The following CYFIP1 variants were observed in gnomAD, a reference collection of about 807,000 sequenced individuals.
CYFIP1 encodes cytoplasmic FMR1 interacting protein 1.
Under a neutral mutation model 163.5 loss-of-function variants are expected in CYFIP1, and 58 were observed. That is an observed-to-expected ratio of 0.35 (90% confidence interval 0.29 to 0.44). CYFIP1 has a LOEUF of 0.44. Ranked by LOEUF, CYFIP1 falls within the 20% of genes least tolerant of loss-of-function variation. CYFIP1 has a pLI of 1.00. For missense variants in CYFIP1, 1,338 were observed against 1,653.8 expected (o/e 0.81, Z 3.31); for synonymous variants, 663 against 660.7 (o/e 1.00, Z -0.05).
At chr15:22,942,673 G>A (rs1286369152) in intron 6 of CYFIP1, among the ~76,000 whole-genome samples, 2 of 152,322 alleles carry the variant, frequency 1.3e-5, no homozygotes, top group East Asian at 3.9e-4. Flanking sequence ...TGGAAGCGCA[G>A]TGTGACCACG....
chr15:22,874,646 TG>T lies in CYFIP1; in HGVS notation c.3116-3del. The T allele has an allele frequency of 6.3e-7, 1 of 1,579,886 alleles. No individual in the cohort carries two copies. The highest frequency in any genetic ancestry group is 8.6e-7 in the Non-Finnish European group (1 of 1,166,868). Reference sequence around the variant, plus strand: ...TTTTGGCATCAAGTCTCTCCCCCTCTGCAGTAGAAAAAATATTTTACTATAT... The same window carrying T: ...TTTTGGCATCAAGTCTCTCCCCCTCTCAGTAGAAAAAATATTTTACTATAT... On this transcript the variant is annotated splice_region_variant and splice_polypyrimidine_tract_variant and intron_variant, in intron 27 of 30. Coordinates refer to ENST00000617928, the MANE Select transcript of CYFIP1 (RefSeq NM_014608.6).
chr15:22,881,031 G>A (rs1166075951), intron 25 of CYFIP1, among the ~76,000 whole-genome samples: 1 of 152,148 alleles, frequency 6.6e-6, no homozygotes, highest in East Asian at 1.9e-4. Context: ...ATTCTCTTGA[G>A]CCAGGGCCGT....
At chr15:22,942,467 G>A (rs186470205) in intron 6 of CYFIP1, among the ~76,000 whole-genome samples, 14 of 152,146 alleles carry the variant, frequency 9.2e-5, no homozygotes, top group Admixed American at 2.6e-4. Context: ...TCGGCAGCGT[G>A]CCAAGTGTCA....
At chr15:22,882,717 G>A (rs1399937018) in intron 24 of CYFIP1, 151 bp downstream of exon 24, 3 of 814,082 alleles carry the variant, frequency 3.7e-6, no homozygotes, top group South Asian at 3.6e-5. Context: ...GATGAGGGAA[G>A]TATCAAACTA....
intron 29 of CYFIP1, 62 bp from the exon 30 acceptor site, chr15:22,873,034 G>C (rs1038919042): frequency 6.3e-7 from 1 of 1,577,472 alleles, no homozygotes; most frequent in African/African-American, 1.3e-5. Context: ...TCTTTTCTCA[G>C]TCTGTCTCCA....
chr15:22,944,190 G>C (rs2061980025), intron 5 of CYFIP1, among the ~76,000 whole-genome samples: 1 of 137,156 alleles, frequency 7.3e-6, no homozygotes. Flanking sequence ...AGTGAGCCGA[G>C]ATCATGCCAT....
Position 22,903,760 on chromosome 15 carries a change from CAGA to C in CYFIP1, c.2531_2533del (p.Phe844del), listed in dbSNP as rs1223789476. On this transcript the variant is annotated inframe_deletion, in exon 22 of 31. Transcript: ENST00000617928. The stretch of plus-strand genomic sequence containing the variant: ...GGGCAGGAAGTCATAGTTGAGCTCC[CAGA>C]AGACGTGCAGGGTGATCCTCCCGTA... 2 of 1,614,054 alleles carry C rather than the reference CAGA, an allele frequency of 1.2e-6. No homozygotes were observed. The highest frequency in any genetic ancestry group is 1.7e-6 in the Non-Finnish European group (2 of 1,180,052).
chr15:22,915,193 C>T (rs190756413), intron 16 of CYFIP1: 18 of 229,654 alleles, frequency 7.8e-5, no homozygotes, highest in Admixed American at 2.3e-4. Flanking sequence ...GTGAGTGGCG[C>T]GATCATAGCT....
chr15:22,953,771 C>A (rs2062341361), intron 1 of CYFIP1, among the ~76,000 whole-genome samples: 1 of 152,180 alleles, frequency 6.6e-6, no homozygotes, highest in Non-Finnish European at 1.5e-5. Context: ...ACAATAGGAT[C>A]AGGGCCTGGT....
intron 23 of CYFIP1, among the ~76,000 whole-genome samples, chr15:22,890,951 G>C (rs1178129295): frequency 6.6e-6 from 1 of 152,158 alleles, no homozygotes; most frequent in East Asian, 1.9e-4. Flanking sequence ...TGTCAGCGAG[G>C]CTCCCAGCCC....
At chr15:22,954,431 T>C (rs1214242430) in intron 1 of CYFIP1, among the ~76,000 whole-genome samples, 1 of 152,196 alleles carries the variant, frequency 6.6e-6, no homozygotes, top group Non-Finnish European at 1.5e-5. Context: ...CCACACGAGC[T>C]GGTATTTTGC....
chr15:22,910,780 G>A lies in CYFIP1; in HGVS notation c.2116C>T (p.Leu706=). ...NLCFDQFVYK[L]ADQIFAYYKV... is the part of the protein sequence containing the mutation. ...TAATAGGCAAATATCTGGTCTGCTA[G>A]CTTGTAAACAAATTGGTCAAAACAT... The change falls in exon 19 of 31, where the codon CTA becomes TTA. Residue 706 remains leucine (L), a synonymous_variant. Transcript: ENST00000617928. 6.2e-7 allele frequency: 1 copy of A among 1,614,008 alleles called. No individual in the cohort carries two copies. Among genetic ancestry groups the A allele is most frequent in the Middle Eastern group, 1.7e-4 (1 of 6,058 alleles).
chr15:22,920,265 A>G (rs899933395), intron 13 of CYFIP1, among the ~76,000 whole-genome samples: 3 of 147,678 alleles, frequency 2.0e-5, no homozygotes, highest in African/African-American at 7.6e-5. Flanking sequence ...CCCAGGGTCA[A>G]TCGATCCTCC....
rs2059288250 is a variant in CYFIP1 at position 22,868,303 on chromosome 15, AAAG to A, written c.*1722_*1724del. 6.6e-6 allele frequency: 1 copy of A among 152,186 alleles called. No individual in the cohort carries two copies. The highest frequency in any genetic ancestry group is 2.4e-5 in the African/African-American group (1 of 41,430). 9.4% of individuals were successfully genotyped at this position (152,186 alleles called of 1,614,324 possible). On this transcript the variant is annotated 3_prime_UTR_variant, in exon 31 of 31. Transcript: ENST00000617928. The stretch of plus-strand genomic sequence containing the variant: ...TACCTACATCTGTGCTTTGTACATA[AAAG>A]AACCAGTTTTCTCCCCCTTGAGGAC...
chr15:22,906,158 G>A (rs1271346849), intron 21 of CYFIP1, among the ~76,000 whole-genome samples: 1 of 151,170 alleles, frequency 6.6e-6, no homozygotes, highest in Non-Finnish European at 1.5e-5. Flanking sequence ...CTAGGCTGGA[G>A]TGCAATGGTA....
At chr15:22,950,639 G>A (rs771605487) in intron 1 of CYFIP1, among the ~76,000 whole-genome samples, 1 of 152,232 alleles carries the variant, frequency 6.6e-6, no homozygotes, top group Admixed American at 6.5e-5. Flanking sequence ...GTTTTAAACT[G>A]TGCGCTGTTC....
At chr15:22,970,492 T>C (rs2063055194) in intron 1 of CYFIP1, among the ~76,000 whole-genome samples, 4 of 152,198 alleles carry the variant, frequency 2.6e-5, no homozygotes, top group Admixed American at 2.6e-4. Flanking sequence ...AAAGCAATCT[T>C]GAAAAAGATG....
chr15:22,907,566 T>C (rs1348047389), intron 21 of CYFIP1, among the ~76,000 whole-genome samples: 2 of 152,140 alleles, frequency 1.3e-5, no homozygotes, highest in African/African-American at 4.8e-5. Context: ...CTTGTGCATT[T>C]TGTTAGAAAA....
At chr15:22,947,388 C>T in intron 1 of CYFIP1, 97 bp from the exon 2 acceptor site, 1 of 1,522,730 alleles carries the variant, frequency 6.6e-7, no homozygotes, top group Admixed American at 1.8e-5. Context: ...CCCCTTCCCG[C>T]TCTCCCGAGG....
Sources: allele counts gnomAD v4.1 joint callset (sites outside exome capture counted in the v4.1 genomes callset), GRCh38; gene constraint gnomAD v4.1.1; transcripts MANE v1.5; gene names NCBI Gene and HGNC (gene_info 2026-07-23, HGNC 2026-07-21).